RUFY1: variants seen among roughly 807,000 people sequenced by gnomAD.
RUFY1 encodes RUN and FYVE domain containing 1.
In RUFY1, 54 loss-of-function variants were observed where a neutral mutation model predicts 94.6. The ratio of observed to expected loss-of-function variants is 0.57; its 90% confidence interval spans 0.46 to 0.72. The LOEUF (loss-of-function observed/expected upper bound fraction) is 0.72. Ranked by LOEUF, RUFY1 falls within the 30% of genes least tolerant of loss-of-function variation. The pLI, the probability that RUFY1 is intolerant of heterozygous loss-of-function variation, is 0.00. For missense variants in RUFY1, 883 were observed against 883.9 expected (o/e 1.00, Z 0.01); for synonymous variants, 396 against 347.3 (o/e 1.14, Z -1.56).
At chr5:179,576,961 C>CTAAA in intron 5 of RUFY1, 114 bp from the exon 6 acceptor site, 1 of 763,580 alleles carries the variant, frequency 1.3e-6, no homozygotes, top group Non-Finnish European at 2.2e-6. Flanking sequence ...GCTGGCTGAC[C>CTAAA]TAAATAAATG....
intron 10 of RUFY1, among the ~76,000 whole-genome samples, chr5:179,591,950 T>C (rs1187440039): frequency 1.3e-5 from 2 of 152,142 alleles, no homozygotes; most frequent in African/African-American, 4.8e-5. Flanking sequence ...TTTTGTTTGT[T>C]TGGGTTTTTT....
At chr5:179,597,460 T>A (rs1264132001) in intron 13 of RUFY1, among the ~76,000 whole-genome samples, 2 of 152,070 alleles carry the variant, frequency 1.3e-5, no homozygotes, top group Non-Finnish European at 2.9e-5. Context: ...ATGGTCTCGA[T>A]CTCCTCACCT....
At chr5:179,597,646 A>C (rs1765804571) in intron 13 of RUFY1, among the ~76,000 whole-genome samples, 1 of 152,204 alleles carries the variant, frequency 6.6e-6, no homozygotes, top group Non-Finnish European at 1.5e-5. Flanking sequence ...TGCTAGGATT[A>C]CAAGTGTGAA....
chr5:179,605,793 C>T (rs1467786542), intron 15 of RUFY1, 83 bp from the exon 16 acceptor site: 4 of 910,244 alleles, frequency 4.4e-6, no homozygotes, highest in Non-Finnish European at 7.2e-6. Flanking sequence ...CCTCACAAAG[C>T]TAGTCCTGAG....
At chr5:179,569,052 C>T in intron 4 of RUFY1, 1 of 985,160 alleles carries the variant, frequency 1.0e-6, no homozygotes, top group Non-Finnish European at 1.2e-6. Flanking sequence ...AACTGGGGTC[C>T]AGGGTCTGCA....
chr5:179,608,920 CA>C (rs57127812), intron 17 of RUFY1, among the ~76,000 whole-genome samples: 99,259 of 121,498 alleles, frequency 0.82, 40,529 homozygotes, highest in East Asian at 0.92. Flanking sequence ...GACAGAGACT[CA>C]AAAAAAAAAA....
intron 8 of RUFY1, among the ~76,000 whole-genome samples, chr5:179,589,121 T>G (rs1466896290): frequency 1.3e-5 from 2 of 152,200 alleles, no homozygotes; most frequent in Non-Finnish European, 2.9e-5. Context: ...CTTATTAGTA[T>G]TATATCTTAA....
chr5:179,565,613 G>A lies in RUFY1; in HGVS notation c.603-1848G>A, dbSNP rs532371626. ...TAGATTTTAAATCTCTTTGTGTATC[G>A]AATATTCATTTACAATATCATTTTT... On this transcript the variant is annotated intron_variant, in intron 3 of 17. Coordinates refer to ENST00000319449, the MANE Select transcript of RUFY1 (RefSeq NM_025158.5). 1.9e-3 allele frequency among the ~76,000 whole-genome samples: 281 copies of A among 151,498 alleles called. 3 individuals are homozygous for A. The highest frequency in any genetic ancestry group is 6.4e-3 in the African/African-American group (265 of 41,260).
chr5:179,550,867 A>G lies in RUFY1; in HGVS notation c.298A>G (p.Thr100Ala), dbSNP rs1410467931. Residue 100 changes from threonine (T) to alanine (A), a missense_variant, in exon 1 of 18, where the codon ACG (threonine) becomes GCG (alanine). Coordinates refer to ENST00000319449, the MANE Select transcript of RUFY1 (RefSeq NM_025158.5). Reference sequence around the variant, plus strand: ...GGGCGGCGGGGACAGCGGGGACGGCACGGCGCGCGCAGGTAGGCTCGGGCC... The same window carrying G: ...GGGCGGCGGGGACAGCGGGGACGGCGCGGCGCGCGCAGGTAGGCTCGGGCC... ...GLGGGDSGDG[T>A]ARAASKCQMM... 28 of 1,176,808 alleles carry G rather than the reference A, an allele frequency of 2.4e-5. No individual in the cohort carries two copies. In the Admixed American group the frequency reaches 4.7e-4, roughly 20 times the overall value. 72.9% of individuals were successfully genotyped at this position (1,176,808 alleles called of 1,614,324 possible).
chr5:179,577,692 T>C (rs1763750211), intron 6 of RUFY1, among the ~76,000 whole-genome samples: 1 of 150,346 alleles, frequency 6.7e-6, no homozygotes, highest in South Asian at 2.1e-4. Flanking sequence ...CGGGTTGGAC[T>C]GTGTGATTGG....
intron 7 of RUFY1, among the ~76,000 whole-genome samples, chr5:179,581,991 T>C (rs926145748): frequency 6.6e-6 from 1 of 151,992 alleles, no homozygotes; most frequent in African/African-American, 2.4e-5. Context: ...AGCCTGAGGC[T>C]CTTCTTAACT....
intron 4 of RUFY1, among the ~76,000 whole-genome samples, 179 bp downstream of exon 4, chr5:179,567,741 T>A (rs1762936974): frequency 6.6e-6 from 1 of 151,364 alleles, no homozygotes; most frequent in Admixed American, 6.6e-5. Context: ...TAGTAGAGAC[T>A]AAAAATACGA....
chr5:179,551,807 C>G (rs1318766238), intron 1 of RUFY1, among the ~76,000 whole-genome samples: 10 of 149,584 alleles, frequency 6.7e-5, no homozygotes, highest in African/African-American at 2.0e-4. Flanking sequence ...GCCACCGCGC[C>G]CGGCCGGATT....
intron 6 of RUFY1, among the ~76,000 whole-genome samples, chr5:179,577,466 C>G (rs1006143731): frequency 7.3e-5 from 11 of 151,322 alleles, no homozygotes; most frequent in African/African-American, 2.4e-4. Flanking sequence ...CGCCCAGCCA[C>G]GTCACATTTT....
In RUFY1 at chr5:179,585,843, C is replaced by T. The variant is rs1378701649; in HGVS notation, c.1004C>T (p.Thr335Ile). The T allele has an allele frequency of 6.2e-7, 1 of 1,613,578 alleles. No individual in the cohort carries two copies. The highest frequency in any genetic ancestry group is 8.5e-7 in the Non-Finnish European group (1 of 1,179,476). Residue 335 changes from threonine to isoleucine, a missense_variant, in exon 8 of 18, where the codon ACT (threonine) becomes ATT (isoleucine). By Grantham distance (89) the Thr-to-Ile change is moderately conservative. Coordinates refer to ENST00000319449, the MANE Select transcript of RUFY1 (RefSeq NM_025158.5). ...ACCAAGATAGATGGCTTGGAAAAGACTAACTCAAAGCTTCAAGAAGAGGTT... is the reference window on the plus strand; with the variant it reads ...ACCAAGATAGATGGCTTGGAAAAGATTAACTCAAAGCTTCAAGAAGAGGTT... ...LQTKIDGLEK[T>I]NSKLQEELSA...
chr5:179,604,447 C>T (rs968827107), intron 15 of RUFY1, among the ~76,000 whole-genome samples: 6 of 152,180 alleles, frequency 3.9e-5, no homozygotes, highest in Non-Finnish European at 5.9e-5. Context: ...TGTCCATCTG[C>T]GCAGCCTCTT....
chr5:179,550,670 AAG>A lies in RUFY1; in HGVS notation c.104_105del (p.Glu35ValfsTer2), dbSNP rs1561939105. ...CCCGGGTCAGCGCTTGAGCCGGGAG[AAG>A]AGTTTGAGATCGTGGACCGAAGCCA... On this transcript the variant is annotated frameshift_variant, in exon 1 of 18. Coordinates refer to ENST00000319449, the MANE Select transcript of RUFY1 (RefSeq NM_025158.5). LOFTEE classifies it high-confidence loss of function. 1.3e-5 allele frequency: 20 copies of A among 1,492,382 alleles called. No homozygotes were observed. Among genetic ancestry groups the A allele is most frequent in the South Asian group, 5.0e-5 (4 of 80,076 alleles). 92.4% of individuals were successfully genotyped at this position (1,492,382 alleles called of 1,614,324 possible). A position where few individuals can be genotyped will look rare whatever the true frequency, so the allele number is the denominator to read the frequency against.
Position 179,603,278 on chromosome 5 carries a change from C to A in RUFY1, c.1856+1292C>A, listed in dbSNP as rs571071742. 9.8e-3 allele frequency among the ~76,000 whole-genome samples: 1,404 copies of A among 143,022 alleles called. 27 individuals are homozygous for A. Among genetic ancestry groups the A allele is most frequent in the African/African-American group, 0.032 (1,253 of 38,788 alleles). 93.8% of individuals were successfully genotyped at this position (143,022 alleles called of 152,430 possible). ...GAGAATCCATCTCAAAAAAAAAAAA[C>A]AAATAGCTGGTCAGGGAATCTGATG... On this transcript the variant is annotated intron_variant, in intron 15 of 17. Coordinates refer to ENST00000319449, the MANE Select transcript of RUFY1 (RefSeq NM_025158.5).
chr5:179,556,629 T>A lies in RUFY1; in HGVS notation c.311-3396T>A, dbSNP rs552606965. ...GATCCTCCCACCTCAGCCTCCCCAG[T>A]AGCTGGGACTACAGGTGCACGCCAG... On this transcript the variant is annotated intron_variant, in intron 1 of 17. Transcript: ENST00000319449. Among the ~76,000 whole-genome samples, 17 of 152,184 alleles carry A rather than the reference T, an allele frequency of 1.1e-4. No homozygotes were observed. The South Asian group carries it at 3.5e-3, about 32-fold the overall frequency.
Sources: gnomAD v4.1 joint callset for allele counts (sites outside exome capture counted in the v4.1 genomes callset) on GRCh38, gnomAD v4.1.1 for gene constraint, MANE v1.5 for transcripts, NCBI Gene and HGNC (gene_info 2026-07-23, HGNC 2026-07-21) for gene names.